ATXN10: variants seen among roughly 807,000 people sequenced by gnomAD.
The protein encoded by ATXN10 is ataxin-10.
Under a neutral mutation model 52.9 loss-of-function variants are expected in ATXN10, and 28 were observed. That is an observed-to-expected ratio of 0.53 (90% CI 0.39 to 0.73). ATXN10 has a LOEUF of 0.73. Ranked by LOEUF, ATXN10 falls within the 30% of genes least tolerant of loss-of-function variation. The probability of loss-of-function intolerance (pLI) is 0.00; values close to 1 mark genes in which losing one functional copy is unlikely to be tolerated. For synonymous variants in ATXN10, 226 were observed against 221.5 expected (o/e 1.02, Z -0.18); for missense variants, 565 against 577.0 (o/e 0.98, Z 0.21).
At chr22:45,794,883 A>G (rs544156982) in intron 9 of ATXN10, among the ~76,000 whole-genome samples, 1 of 152,356 alleles carries the variant, frequency 6.6e-6, no homozygotes, top group East Asian at 1.9e-4. Flanking sequence ...AGTTAAATAT[A>G]TGGGTAAAAA....
chr22:45,730,517 T>G (rs1418155842), intron 7 of ATXN10, among the ~76,000 whole-genome samples: 1 of 152,204 alleles, frequency 6.6e-6, no homozygotes, highest in Non-Finnish European at 1.5e-5. Context: ...CACTGCAACC[T>G]CTGCCTCCTG....
chr22:45,765,708 C>T (rs1368617124), intron 9 of ATXN10, among the ~76,000 whole-genome samples: 1 of 152,162 alleles, frequency 6.6e-6, no homozygotes, highest in East Asian at 1.9e-4. Flanking sequence ...ATTGGTTGTT[C>T]TCATGAAGAC....
Position 45,757,220 on chromosome 22 carries a change from G to A in ATXN10, c.1173+16682G>A, listed in dbSNP as rs1926205907. Among the ~76,000 whole-genome samples, 2 of 152,184 alleles carry A rather than the reference G, an allele frequency of 1.3e-5. No individual in the cohort carries two copies. Among genetic ancestry groups the A allele is most frequent in the South Asian group, 4.1e-4 (2 of 4,826 alleles). On this transcript the variant is annotated intron_variant, in intron 9 of 11. Coordinates refer to ENST00000252934, the MANE Select transcript of ATXN10 (RefSeq NM_013236.4). The surrounding 1 kb of genome is among the most constrained non-coding windows in gnomAD (Gnocchi z 4.6). ...AAATCCGACTGGCGGCCTTGGAGCA[G>A]TTCGAAGAGAGGGCGTGTCCTTTGC...
intron 10 of ATXN10, among the ~76,000 whole-genome samples, chr22:45,812,902 G>A (rs1928330105): frequency 1.3e-5 from 2 of 152,186 alleles, no homozygotes; most frequent in South Asian, 2.1e-4. Context: ...GCCTGTCAGA[G>A]CAGATTAGAA....
chr22:45,729,753 A>T, intron 7 of ATXN10, 163 bp downstream of exon 7: 1 of 820,314 alleles, frequency 1.2e-6, no homozygotes, highest in Non-Finnish European at 2.0e-6. Flanking sequence ...AAGGGAAAAC[A>T]GTGTCCTTAT....
At chr22:45,782,042 TA>T (rs1331760198) in intron 9 of ATXN10, among the ~76,000 whole-genome samples, 2 of 152,178 alleles carry the variant, frequency 1.3e-5, no homozygotes, top group African/African-American at 4.8e-5. Flanking sequence ...GCAAAAACCA[TA>T]AACCTACAAA....
At position 45,795,913 on chromosome 22, in the gene ATXN10, TTTG is replaced by T. The variant is rs772432001; in HGVS notation, c.1174-11044_1174-11042del. 2.6e-5 allele frequency among the ~76,000 whole-genome samples: 4 copies of T among 152,214 alleles called. No individual in the cohort carries two copies. The highest frequency in any genetic ancestry group is 3.8e-4 in the East Asian group (2 of 5,200). ...ATGATCACGTTATCTGCACAAATTG[TTTG>T]TAAAGCATGTGTGTTTGAACAATAT... is the stretch of plus-strand genomic sequence containing the variant. On this transcript the variant is annotated intron_variant, in intron 9 of 11. Coordinates refer to ENST00000252934, the MANE Select transcript of ATXN10 (RefSeq NM_013236.4). This position sits in a 1 kb window ranked among gnomAD's most constrained non-coding sequence, Gnocchi z 4.6.
At chr22:45,716,461 G>A (rs918515511) in intron 5 of ATXN10, among the ~76,000 whole-genome samples, 1 of 151,484 alleles carries the variant, frequency 6.6e-6, no homozygotes, top group African/African-American at 2.4e-5. Context: ...TCTGCCTCCC[G>A]AGTAGTTGGG....
chr22:45,711,060 G>T (rs958173286), intron 5 of ATXN10, among the ~76,000 whole-genome samples: 3 of 152,052 alleles, frequency 2.0e-5, no homozygotes, highest in Non-Finnish European at 4.4e-5. Flanking sequence ...CAGACATTCT[G>T]TGCAAAAAAG....
chr22:45,713,024 T>G (rs1433503447), intron 5 of ATXN10, among the ~76,000 whole-genome samples: 1 of 152,018 alleles, frequency 6.6e-6, no homozygotes, highest in Non-Finnish European at 1.5e-5. Flanking sequence ...TTACTCATGT[T>G]GTGAGTATAG....
In ATXN10 at chr22:45,677,332, C is replaced by T. The variant is rs903879716; in HGVS notation, c.116+5153C>T. 1 of 151,986 alleles carries T rather than the reference C, an allele frequency of 6.6e-6. No homozygotes were observed. The highest frequency in any genetic ancestry group is 2.4e-5 in the African/African-American group (1 of 41,378). 9.4% of individuals were successfully genotyped at this position (151,986 alleles called of 1,614,324 possible). ...TTATCAGTTTCTTGTGGAGTTGCTG[C>T]TATTTCTATAACTTATTACTCATTG... On this transcript the variant is annotated intron_variant, in intron 1 of 11. Coordinates refer to ENST00000252934, the MANE Select transcript of ATXN10 (RefSeq NM_013236.4). This position sits in a 1 kb window ranked among gnomAD's most constrained non-coding sequence, Gnocchi z 4.1.
chr22:45,737,875 T>TC (rs986357363), intron 7 of ATXN10, among the ~76,000 whole-genome samples: 6 of 151,264 alleles, frequency 4.0e-5, no homozygotes, highest in African/African-American at 1.5e-4. Flanking sequence ...ATTTTTATAT[T>TC]TTTTTTTACT....
Position 45,696,382 on chromosome 22 carries a change from C to T in ATXN10, c.391+3304C>T, listed in dbSNP as rs1488983768. Among the ~76,000 whole-genome samples the T allele has an allele frequency of 3.3e-5, 5 of 152,114 alleles. No individual in the cohort carries two copies. On this transcript the variant is annotated intron_variant, in intron 3 of 11. Coordinates refer to ENST00000252934, the MANE Select transcript of ATXN10 (RefSeq NM_013236.4). This position sits in a 1 kb window ranked among gnomAD's most constrained non-coding sequence, Gnocchi z 4.7. The stretch of plus-strand genomic sequence containing the variant: ...CTGATGGGGCGGGCAGTGTGGCGCT[C>T]CAGAGCTGCTGTGCTGTGGTGGGCG...
chr22:45,737,604 CTT>C (rs1925345660), intron 7 of ATXN10, among the ~76,000 whole-genome samples: 1 of 151,366 alleles, frequency 6.6e-6, no homozygotes, highest in African/African-American at 2.4e-5. Flanking sequence ...AATGTATTAC[CTT>C]TAAATCTCTT....
rs1922922817 is a variant in ATXN10 at position 45,681,552 on chromosome 22, C to T, written c.117-8160C>T. ...AGTAATAAGAGCATTTTTTAATGTA[C>T]ATCCTCAACTCCACTGCCTCCTCTC... On this transcript the variant is annotated intron_variant, in intron 1 of 11. Transcript: ENST00000252934. The surrounding 1 kb of genome is among the most constrained non-coding windows in gnomAD (Gnocchi z 4.2). Among the ~76,000 whole-genome samples the T allele has an allele frequency of 6.6e-6, 1 of 152,126 alleles. No homozygotes were observed. Among genetic ancestry groups the T allele is most frequent in the South Asian group, 2.1e-4 (1 of 4,826 alleles).
At chr22:45,729,062 T>C (rs1924984624) in intron 6 of ATXN10, among the ~76,000 whole-genome samples, 1 of 152,226 alleles carries the variant, frequency 6.6e-6, no homozygotes, top group Admixed American at 6.5e-5. Context: ...CTTAGCTCCG[T>C]AGAAAATGGT....
chr22:45,725,159 A>G (rs778107178), intron 6 of ATXN10, among the ~76,000 whole-genome samples: 1 of 152,068 alleles, frequency 6.6e-6, no homozygotes, highest in Non-Finnish European at 1.5e-5. Flanking sequence ...GTTCCATATG[A>G]ATTTTAGGAT....
chr22:45,841,055 C>T lies in ATXN10; in HGVS notation c.1238-1936C>T, dbSNP rs915179298. 3.9e-5 allele frequency among the ~76,000 whole-genome samples: 6 copies of T among 152,090 alleles called. No individual in the cohort carries two copies. Among genetic ancestry groups the T allele is most frequent in the South Asian group, 2.1e-4 (1 of 4,828 alleles). On this transcript the variant is annotated intron_variant, in intron 10 of 11. Coordinates refer to ENST00000252934, the MANE Select transcript of ATXN10 (RefSeq NM_013236.4). This position sits in a 1 kb window ranked among gnomAD's most constrained non-coding sequence, Gnocchi z 5.1. ...CGGATATGTTGGAAGTGCTTGATAC[C>T]GGGGCTCGTTATCTTTATTCTCTAT...
chr22:45,829,885 T>C (rs113561482), intron 10 of ATXN10, among the ~76,000 whole-genome samples: 1 of 152,166 alleles, frequency 6.6e-6, no homozygotes, highest in Non-Finnish European at 1.5e-5. Flanking sequence ...AAACTTCATA[T>C]GGAATCCCAA....
Sources: gnomAD v4.1 joint callset for allele counts (sites outside exome capture counted in the v4.1 genomes callset) on GRCh38, gnomAD v4.1.1 for gene constraint, Gnocchi (gnomAD v3.1) non-coding constraint, MANE v1.5 for transcripts, NCBI Gene and HGNC (gene_info 2026-07-23, HGNC 2026-07-21) for gene names.